Variants in CEP192 observed in about 807,000 individuals in gnomAD.
The protein encoded by CEP192 is centrosomal protein 192.
Under a neutral mutation model 271.8 loss-of-function variants are expected in CEP192, and 151 were observed. That is an observed-to-expected ratio of 0.56 (90% CI 0.49 to 0.64). The LOEUF (loss-of-function observed/expected upper bound fraction) is 0.64. CEP192 is among the 30% of genes least tolerant of loss of function. CEP192 has a pLI of 0.00. For synonymous variants in CEP192, 995 were observed against 1,076.5 expected, an observed-to-expected ratio of 0.92 and a Z score of 1.48; for missense variants, 2,910 against 3,020.5, an observed-to-expected ratio of 0.96 and a Z score of 0.86.
At chr18:13,066,129 A>G (rs1028779892) in intron 21 of CEP192, among the ~76,000 whole-genome samples, 10 of 152,234 alleles carry the variant, frequency 6.6e-5, no homozygotes, top group Admixed American at 5.2e-4. Context: ...CTAGATAAAG[A>G]CAGCATCTCA....
chr18:13,052,724 C>T (rs1049480961), intron 17 of CEP192, among the ~76,000 whole-genome samples, 195 bp from the exon 18 acceptor site: 2 of 152,180 alleles, frequency 1.3e-5, no homozygotes, highest in Non-Finnish European at 2.9e-5. Context: ...GAAAATGCCA[C>T]AATACATTTT....
In CEP192 at chr18:13,067,930, G is replaced by A. The variant is rs1311641477; in HGVS notation, c.4588G>A (p.Val1530Met). 11 of 1,612,186 alleles carry A rather than the reference G, an allele frequency of 6.8e-6. No individual in the cohort carries two copies. The highest frequency in any genetic ancestry group is 1.3e-5 in the African/African-American group (1 of 74,920). Residue 1530 changes from valine (V) to methionine (M), a missense_variant, in exon 22 of 45, where the codon GTG (valine) becomes ATG (methionine). Val to Met is a conservative substitution (Grantham distance 21). Transcript: ENST00000506447. ...ATTGATAAACCGAACGCATGCCACT[G>A]TGCCAATTAGACTGATTATTAATGC... The part of the protein sequence containing the change: ...LKLINRTHAT[V>M]PIRLIINANA...
intron 37 of CEP192, among the ~76,000 whole-genome samples, chr18:13,099,998 A>C (rs151210979): frequency 6.6e-6 from 1 of 152,200 alleles, no homozygotes; most frequent in South Asian, 2.1e-4. Flanking sequence ...TCTGAGGCCA[A>C]CTAGTTAGAG....
At chr18:13,085,114 C>T (rs192207063) in intron 30 of CEP192, among the ~76,000 whole-genome samples, 82 of 152,078 alleles carry the variant, frequency 5.4e-4, no homozygotes, top group Middle Eastern at 6.8e-3. Flanking sequence ...TGTGAGCCAC[C>T]GTGCCTGGTC....
rs372929249 is a variant in CEP192, at chr18:13,017,148, C to T, written c.641-40C>T. 593 of 1,492,990 alleles carry T rather than the reference C, an allele frequency of 4.0e-4. 2 individuals carry two copies. The African/African-American group carries it at 7.4e-3, about 19-fold the overall frequency. 92.5% of individuals were successfully genotyped at this position (1,492,990 alleles called of 1,614,324 possible). A position where few individuals can be genotyped will look rare whatever the true frequency, so the allele number is the denominator to read the frequency against. On this transcript the variant is annotated intron_variant, in intron 6 of 44. Transcript: ENST00000506447. ...ATTACAAATTATTGCTTAGTCACTACTTTAAAGCATGTCCTGTTTTTTCTC... is the reference window on the plus strand; with the variant it reads ...ATTACAAATTATTGCTTAGTCACTATTTTAAAGCATGTCCTGTTTTTTCTC...
chr18:13,076,511 G>A (rs1012285558), intron 30 of CEP192, among the ~76,000 whole-genome samples: 5 of 152,074 alleles, frequency 3.3e-5, no homozygotes, highest in South Asian at 2.1e-4. Context: ...CCACGCACCC[G>A]GCCAATCATT....
chr18:13,099,417 G>A (rs913579569), intron 36 of CEP192, 59 bp from the exon 37 acceptor site: 46 of 832,668 alleles, frequency 5.5e-5, no homozygotes, highest in Middle Eastern at 3.5e-4. Context: ...TATAACTCCT[G>A]TGATTACTGC....
chr18:13,019,873 C>T (rs2015763), intron 9 of CEP192, among the ~76,000 whole-genome samples: 56,023 of 151,140 alleles, frequency 0.37, 10,584 homozygotes, highest in Middle Eastern at 0.47. Context: ...AGTGCAGTGG[C>T]GTGATCTCAG....
chr18:13,082,784 G>C (rs987100363), intron 30 of CEP192, among the ~76,000 whole-genome samples: 3 of 152,084 alleles, frequency 2.0e-5, no homozygotes, highest in African/African-American at 7.2e-5. Flanking sequence ...CATGTTTAGT[G>C]CTTCCTTCAG....
chr18:13,051,405 A>T (rs2036782379), intron 17 of CEP192, among the ~76,000 whole-genome samples: 1 of 152,106 alleles, frequency 6.6e-6, no homozygotes, highest in Non-Finnish European at 1.5e-5. Context: ...GTGCATGTGG[A>T]TACAGAAACC....
At chr18:13,020,800 G>T (rs1215938614) in intron 9 of CEP192, among the ~76,000 whole-genome samples, 1 of 152,022 alleles carries the variant, frequency 6.6e-6, no homozygotes. Flanking sequence ...TCTCATTGTG[G>T]TTTTGATTTG....
intron 18 of CEP192, among the ~76,000 whole-genome samples, chr18:13,054,730 G>A (rs1184315976): frequency 6.6e-6 from 1 of 152,160 alleles, no homozygotes; most frequent in Non-Finnish European, 1.5e-5. Flanking sequence ...TATAGTCTTT[G>A]TTTCTTAGTG....
chr18:13,070,479 A>G (rs1490453427), intron 27 of CEP192, among the ~76,000 whole-genome samples: 3 of 152,188 alleles, frequency 2.0e-5, no homozygotes, highest in African/African-American at 2.4e-5. Flanking sequence ...AGCTATTAAG[A>G]TATCTTTCTC....
chr18:13,020,873 C>T (rs2034950744), intron 9 of CEP192, among the ~76,000 whole-genome samples: 1 of 152,020 alleles, frequency 6.6e-6, no homozygotes. Flanking sequence ...GTATGTCTTC[C>T]TTGGGGAATT....
At chr18:13,050,468 CA>C (rs1213007087) in intron 17 of CEP192, among the ~76,000 whole-genome samples, 1 of 152,118 alleles carries the variant, frequency 6.6e-6, no homozygotes, top group Non-Finnish European at 1.5e-5. Flanking sequence ...AGCTAGTGCT[CA>C]ATGTCAATGG....
chr18:13,068,658 T>C (rs1232162708), intron 24 of CEP192, among the ~76,000 whole-genome samples, 194 bp from the exon 25 acceptor site: 3 of 152,256 alleles, frequency 2.0e-5, no homozygotes, highest in Non-Finnish European at 4.4e-5. Context: ...ATTGATCTTA[T>C]CACATTTACC....
intron 27 of CEP192, 126 bp downstream of exon 27, chr18:13,069,982 G>C (rs919724178): frequency 5.1e-6 from 3 of 584,470 alleles, no homozygotes; most frequent in Non-Finnish European, 9.2e-6. Context: ...GCAACATGGC[G>C]AAATCCTGTC....
chr18:13,073,288 C>A (rs3809907), intron 30 of CEP192, 103 bp downstream of exon 30: 144,053 of 1,033,288 alleles, frequency 0.14, 11,143 homozygotes, highest in East Asian at 0.29. Flanking sequence ...ATAAGTGAAA[C>A]TATGTAATTA....
chr18:13,046,494 C>T (rs558658925), intron 15 of CEP192, among the ~76,000 whole-genome samples: 3 of 152,030 alleles, frequency 2.0e-5, no homozygotes, highest in Non-Finnish European at 4.4e-5. Context: ...TTTTGGCATT[C>T]TTAGAGATCG....
Sources: allele counts gnomAD v4.1 joint callset (sites outside exome capture counted in the v4.1 genomes callset), GRCh38; gene constraint gnomAD v4.1.1; transcripts MANE v1.5; gene names NCBI Gene and HGNC (gene_info 2026-07-23, HGNC 2026-07-21).